SLC25A26: variants seen among roughly 807,000 people sequenced by gnomAD.
SLC25A26 encodes the protein solute carrier family 25 member 26, also known as mitochondrial S-adenosylmethionine carrier protein.
In SLC25A26, 36 loss-of-function variants were observed where a neutral mutation model predicts 37.8. The ratio of observed to expected loss-of-function variants is 0.95; its 90% CI spans 0.73 to 1.26. The LOEUF is 1.26. Ranked by LOEUF, SLC25A26 falls within the 50% of genes most tolerant of loss-of-function variation. SLC25A26 has a pLI of 0.00. For synonymous variants in SLC25A26, 129 were observed against 122.5 expected (o/e 1.05, Z -0.35); for missense variants, 390 against 331.1 (o/e 1.18, Z -1.38).
intron 5 of SLC25A26, among the ~76,000 whole-genome samples, chr3:66,324,558 A>G (rs985737560): frequency 2.6e-5 from 4 of 152,154 alleles, no homozygotes; most frequent in African/African-American, 9.7e-5. Context: ...AGTTTTACAA[A>G]GGGTATCTGG....
chr3:66,209,898 T>TA (rs2071256377), intron 1 of SLC25A26, among the ~76,000 whole-genome samples: 20 of 38,600 alleles, frequency 5.2e-4, no homozygotes, highest in South Asian at 1.2e-3. Context: ...CTCTCTCTAT[T>TA]TATATATATA....
intron 1 of SLC25A26, among the ~76,000 whole-genome samples, chr3:66,195,746 C>A (rs2106802359): frequency 6.6e-6 from 1 of 152,280 alleles, no homozygotes; most frequent in Admixed American, 6.5e-5. Flanking sequence ...CCAAAGGAGT[C>A]TCAAAAGAAT....
chr3:66,290,297 AC>A (rs2074661477), intron 5 of SLC25A26, among the ~76,000 whole-genome samples: 1 of 152,114 alleles, frequency 6.6e-6, no homozygotes. Context: ...CTATTTGAAT[AC>A]CGTTTATTTG....
chr3:66,312,742 G>C (rs1309937115), intron 5 of SLC25A26, among the ~76,000 whole-genome samples: 2 of 152,108 alleles, frequency 1.3e-5, no homozygotes, highest in Non-Finnish European at 2.9e-5. Context: ...GGCTTCCCTT[G>C]TTTAGGGGAG....
rs145685590 is a variant in SLC25A26 at position 66,365,215 on chromosome 3, C to T, written c.568+2286C>T. On this transcript the variant is annotated intron_variant, in intron 7 of 9. Coordinates refer to ENST00000354883, the MANE Select transcript of SLC25A26 (RefSeq NM_001379210.1). ...TAAAAGCAGTGATGAAACTTGCCCT[C>T]AAATCAGAAATCAGATTTCTCATCC... is the stretch of plus-strand genomic sequence containing the variant. Among the ~76,000 whole-genome samples, 752 of 152,308 alleles carry T rather than the reference C, an allele frequency of 4.9e-3. 2 individuals are homozygous for T. The highest frequency in any genetic ancestry group is 6.0e-3 in the Non-Finnish European group (411 of 68,022).
rs562729651 is a variant in SLC25A26, at chr3:66,320,947, C to T, written c.454-25417C>T. On this transcript the variant is annotated intron_variant, in intron 5 of 9. Coordinates refer to ENST00000354883, the MANE Select transcript of SLC25A26 (RefSeq NM_001379210.1). ...TATGGTCTGAATATTTGTGTTCCCC[C>T]AAAATTCTTACATTGAAGTTCCAAC... Among the ~76,000 whole-genome samples, 52 of 152,192 alleles carry T rather than the reference C, an allele frequency of 3.4e-4. No individual in the cohort carries two copies. In the South Asian group the frequency reaches 9.1e-3, roughly 27 times the overall value.
At chr3:66,197,676 G>A (rs1320718976) in intron 1 of SLC25A26, among the ~76,000 whole-genome samples, 2 of 152,080 alleles carry the variant, frequency 1.3e-5, no homozygotes, top group Non-Finnish European at 2.9e-5. Flanking sequence ...AGGGGTCAGA[G>A]GTGGGTGAGT....
chr3:66,259,201 G>A (rs566271790), intron 3 of SLC25A26, among the ~76,000 whole-genome samples: 53 of 152,268 alleles, frequency 3.5e-4, no homozygotes, highest in Non-Finnish European at 5.7e-4. Context: ...ATTATGTACC[G>A]CCTTCCAGTG....
intron 5 of SLC25A26, among the ~76,000 whole-genome samples, chr3:66,280,161 T>C (rs576833558): frequency 6.6e-6 from 1 of 152,320 alleles, no homozygotes; most frequent in South Asian, 2.1e-4. Context: ...TCATTAAGTT[T>C]TGATGAAGTG....
chr3:66,282,615 T>C (rs1487926175), intron 5 of SLC25A26, among the ~76,000 whole-genome samples: 2 of 152,220 alleles, frequency 1.3e-5, no homozygotes, highest in African/African-American at 2.4e-5. Flanking sequence ...CTAGGCTCTT[T>C]TATTGGGCAG....
intron 1 of SLC25A26, among the ~76,000 whole-genome samples, chr3:66,167,289 T>A (rs949737163): frequency 1.3e-5 from 2 of 152,036 alleles, no homozygotes; most frequent in Non-Finnish European, 2.9e-5. Flanking sequence ...GGACTTGCAA[T>A]CTGCAAGGAT....
At chr3:66,289,788 C>T (rs751513832) in intron 5 of SLC25A26, among the ~76,000 whole-genome samples, 7 of 152,166 alleles carry the variant, frequency 4.6e-5, no homozygotes, top group Non-Finnish European at 8.8e-5. Flanking sequence ...TTAGGATTGA[C>T]TAGGCTATGC....
At chr3:66,156,123 A>G (rs144032116) in intron 1 of SLC25A26, among the ~76,000 whole-genome samples, 2 of 152,162 alleles carry the variant, frequency 1.3e-5, no homozygotes, top group Non-Finnish European at 2.9e-5. Context: ...CCAGGATACA[A>G]ATTCCAACAG....
intron 5 of SLC25A26, among the ~76,000 whole-genome samples, chr3:66,295,786 C>T (rs2107531671): frequency 6.6e-6 from 1 of 152,008 alleles, no homozygotes; most frequent in Middle Eastern, 3.4e-3. Flanking sequence ...GTGCAAGCCA[C>T]CGTGCCCGGC....
chr3:66,205,671 C>T (rs2071166966), intron 1 of SLC25A26, among the ~76,000 whole-genome samples: 1 of 152,214 alleles, frequency 6.6e-6, no homozygotes, highest in African/African-American at 2.4e-5. Flanking sequence ...GAACTCACAA[C>T]TTAGCTCTTT....
chr3:66,243,113 A>C (rs1576695087), intron 2 of SLC25A26, 90 bp from the exon 3 acceptor site: 1 of 664,160 alleles, frequency 1.5e-6, no homozygotes, highest in Admixed American at 2.4e-5. Context: ...TAATTTAATA[A>C]TTATTGTCAT....
chr3:66,275,796 A>G (rs535489306), intron 5 of SLC25A26, among the ~76,000 whole-genome samples: 2 of 152,200 alleles, frequency 1.3e-5, no homozygotes, highest in South Asian at 4.1e-4. Context: ...TCCTGTAACT[A>G]TTTCATATAT....
Position 66,374,469 on chromosome 3 carries a change from C to T in SLC25A26, c.708-3221C>T, listed in dbSNP as rs79611860. ...GGCTGTGTCTCCAACCAGCCATTCC[C>T]TCTCTCTCTCCCTTAGGCCTCTATT... On this transcript the variant is annotated intron_variant, in intron 9 of 9. Transcript: ENST00000354883. Among the ~76,000 whole-genome samples, 489 of 152,242 alleles carry T rather than the reference C, an allele frequency of 3.2e-3. 1 individual carries two copies. The highest frequency in any genetic ancestry group is 0.011 in the African/African-American group (462 of 41,536).
At chr3:66,212,089 C>A (rs2071291503) in intron 1 of SLC25A26, among the ~76,000 whole-genome samples, 1 of 152,154 alleles carries the variant, frequency 6.6e-6, no homozygotes, top group Non-Finnish European at 1.5e-5. Context: ...ACTTTTGTTA[C>A]AGTATATTGT....
Sources: gnomAD v4.1 joint callset for allele counts (sites outside exome capture counted in the v4.1 genomes callset) on GRCh38, gnomAD v4.1.1 for gene constraint, MANE v1.5 for transcripts, NCBI Gene and HGNC (gene_info 2026-07-23, HGNC 2026-07-21) for gene names.